The following NUMB variants were observed in gnomAD, a reference collection of about 807,000 sequenced individuals.
NUMB encodes NUMB endocytic adaptor protein, also known as protein numb homolog.
In NUMB, 29 loss-of-function variants were observed where a neutral mutation model predicts 59.7. The ratio of observed to expected loss-of-function variants is 0.49; its 90% CI spans 0.36 to 0.66. The LOEUF is 0.66. NUMB is among the 30% of genes least tolerant of loss of function. The pLI, the probability that NUMB is intolerant of heterozygous loss-of-function variation, is 0.00. For synonymous variants in NUMB, 288 were observed against 288.2 expected (o/e 1.00, Z 0.01); for missense variants, 723 against 822.0 (o/e 0.88, Z 1.47).
chr14:73,428,141 G>T (rs977710815), intron 1 of NUMB, among the ~76,000 whole-genome samples: 1 of 152,054 alleles, frequency 6.6e-6, no homozygotes, highest in Non-Finnish European at 1.5e-5. Context: ...GTTTTGAAAA[G>T]GAATTAAAAA....
chr14:73,278,883 G>A (rs151004721), intron 12 of NUMB, among the ~76,000 whole-genome samples: 3 of 151,688 alleles, frequency 2.0e-5, no homozygotes, highest in African/African-American at 7.3e-5. Context: ...GCATGCCACC[G>A]CGCCTGGCTA....
chr14:73,398,390 CACAG>C (rs146014626), intron 2 of NUMB, among the ~76,000 whole-genome samples: 2,059 of 117,858 alleles, frequency 0.017, 22 homozygotes, highest in South Asian at 0.026. Flanking sequence ...GAGAGACACA[CACAG>C]AGAGAGAGAG....
chr14:73,356,214 T>C (rs528298731), intron 3 of NUMB, among the ~76,000 whole-genome samples: 1 of 152,312 alleles, frequency 6.6e-6, no homozygotes, highest in African/African-American at 2.4e-5. Flanking sequence ...TTTATAGTTA[T>C]TAAGAAAAAA....
intron 4 of NUMB, among the ~76,000 whole-genome samples, chr14:73,355,243 C>T (rs559384484): frequency 6.6e-6 from 1 of 152,252 alleles, no homozygotes; most frequent in South Asian, 2.1e-4. Flanking sequence ...CTAAAATAAA[C>T]AAGACTTGTA....
chr14:73,388,967 C>CG, intron 2 of NUMB, among the ~76,000 whole-genome samples: 1 of 152,090 alleles, frequency 6.6e-6, no homozygotes, highest in Middle Eastern at 3.4e-3. Context: ...GGCGTGGTGG[C>CG]GGGCGCCTGC....
At chr14:73,378,828 T>C (rs1472720547) in intron 2 of NUMB, among the ~76,000 whole-genome samples, 1 of 152,208 alleles carries the variant, frequency 6.6e-6, no homozygotes, top group Non-Finnish European at 1.5e-5. Context: ...TGGCAGACCA[T>C]GTCATTACAT....
chr14:73,372,311 A>ATATATATATATATATAAAACCTTT (rs1894722821), intron 2 of NUMB, among the ~76,000 whole-genome samples: 1 of 93,716 alleles, frequency 1.1e-5, no homozygotes, highest in African/African-American at 5.2e-5. Context: ...TCTTTTATAT[A>ATATATATATATATATAAAACCTTT]TATATATATA....
At chr14:73,392,022 G>T (rs1225811698) in intron 2 of NUMB, among the ~76,000 whole-genome samples, 1 of 152,102 alleles carries the variant, frequency 6.6e-6, no homozygotes, top group East Asian at 1.9e-4. Context: ...CTTCCCCAGG[G>T]TTTTTTGTTT....
chr14:73,356,077 C>T (rs1279906482), intron 3 of NUMB, among the ~76,000 whole-genome samples: 1 of 152,128 alleles, frequency 6.6e-6, no homozygotes, highest in Non-Finnish European at 1.5e-5. Context: ...ATTTCAAGAA[C>T]TTTAGTTATA....
At chr14:73,306,011 T>C (rs1375910213) in intron 6 of NUMB, among the ~76,000 whole-genome samples, 1 of 152,236 alleles carries the variant, frequency 6.6e-6, no homozygotes, top group Non-Finnish European at 1.5e-5. Flanking sequence ...AACAGAATGG[T>C]GTAATCAATA....
At chr14:73,310,254 AG>A (rs1422693424) in intron 6 of NUMB, among the ~76,000 whole-genome samples, 1 of 152,218 alleles carries the variant, frequency 6.6e-6, no homozygotes, top group African/African-American at 2.4e-5. Flanking sequence ...GCTGCTACTC[AG>A]GTCAGGAAAC....
chr14:73,352,777 C>T (rs1354443089), intron 4 of NUMB, among the ~76,000 whole-genome samples: 15 of 148,288 alleles, frequency 1.0e-4, no homozygotes, highest in South Asian at 6.3e-4. Context: ...CTCCTGACCT[C>T]GTGATCTGCC....
rs1888199321 is a variant in NUMB at position 73,276,902 on chromosome 14, G to A, written c.1632C>T (p.His544=). 1 of 1,614,066 alleles carries A rather than the reference G, an allele frequency of 6.2e-7. No homozygotes were observed. The highest frequency in any genetic ancestry group is 1.1e-5 in the South Asian group (1 of 91,078). The change falls in exon 13 of 13, where the codon CAC becomes CAT. Residue 544 remains histidine, a synonymous_variant. Transcript: ENST00000555238. ...MVANVFGTAG[H]PQAAHPHQSP... ...ACTGATGGGGATGGGCAGCCTGAGG[G>A]TGGCCTGCAGTGCCAAATACGTTGG... is the stretch of plus-strand genomic sequence containing the variant.
chr14:73,408,569 G>A (rs1309549424), intron 2 of NUMB, among the ~76,000 whole-genome samples: 1 of 152,092 alleles, frequency 6.6e-6, no homozygotes, highest in Non-Finnish European at 1.5e-5. Context: ...GCAGTATACT[G>A]TTTTGTTGAC....
intron 1 of NUMB, among the ~76,000 whole-genome samples, chr14:73,454,558 A>G (rs753812944): frequency 6.6e-6 from 1 of 152,198 alleles, no homozygotes; most frequent in Non-Finnish European, 1.5e-5. Context: ...CTTCTCTGAA[A>G]TAGAAAATAA....
chr14:73,397,077 T>C (rs1896173843), intron 2 of NUMB, among the ~76,000 whole-genome samples: 1 of 152,040 alleles, frequency 6.6e-6, no homozygotes. Context: ...TGAGCTGAAA[T>C]CGCACCACTG....
chr14:73,435,793 G>T (rs2140176854), intron 1 of NUMB, among the ~76,000 whole-genome samples: 1 of 151,888 alleles, frequency 6.6e-6, no homozygotes, highest in Admixed American at 6.6e-5. Flanking sequence ...GATCACTTGA[G>T]GTCAGGAGTT....
chr14:73,292,314 G>C (rs61986959), intron 8 of NUMB, among the ~76,000 whole-genome samples: 23,791 of 152,128 alleles, frequency 0.16, 2,689 homozygotes, highest in Non-Finnish European at 0.23. Flanking sequence ...CCAAAGTGCT[G>C]GGATTATAGG....
chr14:73,364,745 C>T (rs1447025399), intron 3 of NUMB, among the ~76,000 whole-genome samples: 2 of 152,068 alleles, frequency 1.3e-5, no homozygotes, highest in Non-Finnish European at 2.9e-5. Flanking sequence ...CCTTCCACTT[C>T]AGCCTCCTGA....
Sources: gnomAD v4.1 joint callset for allele counts (sites outside exome capture counted in the v4.1 genomes callset) on GRCh38, gnomAD v4.1.1 for gene constraint, MANE v1.5 for transcripts, NCBI Gene and HGNC (gene_info 2026-07-23, HGNC 2026-07-21) for gene names.